ADCY10: variants seen among roughly 807,000 people sequenced by gnomAD.
The protein encoded by ADCY10 is adenylate cyclase type 10.
In ADCY10, 156 loss-of-function variants were observed where a neutral mutation model predicts 183.3. The observed-to-expected ratio is 0.85, with a 90% CI of 0.75 to 0.97. ADCY10 has a LOEUF of 0.97. Among genes scored for constraint, ADCY10 ranks in the 50% least tolerant of loss-of-function variants. ADCY10 has a pLI of 0.00. For synonymous variants in ADCY10, 645 were observed against 670.0 expected (o/e 0.96, Z 0.58); for missense variants, 1,745 against 1,934.3 (o/e 0.90, Z 1.84).
intron 9 of ADCY10, among the ~76,000 whole-genome samples, chr1:167,882,484 CA>C (rs71100909): frequency 0.15 from 10,639 of 71,046 alleles, 380 homozygotes; most frequent in African/African-American, 0.23. Flanking sequence ...GATTCCGTCT[CA>C]AAAAAAAAAA....
intron 8 of ADCY10, among the ~76,000 whole-genome samples, chr1:167,889,942 T>C (rs1349840484): frequency 6.6e-6 from 1 of 152,250 alleles, no homozygotes; most frequent in Non-Finnish European, 1.5e-5. Flanking sequence ...TTAGTTAACA[T>C]GGCTGAAAGT....
chr1:167,895,470 T>A (rs564624562), intron 7 of ADCY10, among the ~76,000 whole-genome samples: 1 of 152,302 alleles, frequency 6.6e-6, no homozygotes, highest in Non-Finnish European at 1.5e-5. Context: ...GACCTGTACA[T>A]AAATGATGAG....
At chr1:167,853,241 C>CA (rs1665631956) in intron 18 of ADCY10, among the ~76,000 whole-genome samples, 1 of 152,012 alleles carries the variant, frequency 6.6e-6, no homozygotes, top group Non-Finnish European at 1.5e-5. Context: ...ATTTGAGTCA[C>CA]AAAAAAATGA....
At chr1:167,817,462 A>T (rs987953299) in intron 31 of ADCY10, among the ~76,000 whole-genome samples, 1 of 152,230 alleles carries the variant, frequency 6.6e-6, no homozygotes, top group Non-Finnish European at 1.5e-5. Flanking sequence ...AGAACAAGGC[A>T]AACGTGTCAA....
chr1:167,895,448 TAA>T (rs1292178272), intron 7 of ADCY10, among the ~76,000 whole-genome samples: 1 of 152,164 alleles, frequency 6.6e-6, no homozygotes, highest in African/African-American at 2.4e-5. Context: ...TTGTAACATC[TAA>T]AATACTCCAG....
In ADCY10 at chr1:167,896,629, G is replaced by A. The variant is rs752819272; in HGVS notation, c.705C>T (p.Thr235=). The change falls in exon 7 of 33, where the codon ACC becomes ACT. Residue 235 remains threonine, a synonymous_variant. Transcript: ENST00000367851. The part of the protein sequence containing the change: ...NFDEFFTKCT[T]FMHYYPSGEH... ...CACCAGAAGGATAATAATGCATGAA[G>A]GTCGTACACTTTGTGAAAAATTCAT... 3.1e-6 allele frequency: 5 copies of A among 1,613,768 alleles called. No individual in the cohort carries two copies. The highest frequency in any genetic ancestry group is 1.7e-4 in the Middle Eastern group (1 of 6,060).
chr1:167,883,024 C>G (rs1470624096), intron 9 of ADCY10, among the ~76,000 whole-genome samples: 1 of 152,110 alleles, frequency 6.6e-6, no homozygotes, highest in Non-Finnish European at 1.5e-5. Flanking sequence ...AAAGACTGGC[C>G]TTCTAGGTTA....
rs765649268 is a variant in ADCY10, at chr1:167,905,066, G to A, written c.75C>T (p.Val25=). 6.2e-7 allele frequency: 1 copy of A among 1,614,216 alleles called. No individual in the cohort carries two copies. The change falls in exon 2 of 33, where the codon GTC becomes GTT. Residue 25 remains valine (V), a synonymous_variant. Transcript: ENST00000367851. Reference sequence around the variant, plus strand: ...GTCGCTCTGGGGAGAAATGTCCATAGACAATGAGGTCTGGTAAATGAGCTG... The same window carrying A: ...GTCGCTCTGGGGAGAAATGTCCATAAACAATGAGGTCTGGTAAATGAGCTG... ...RIAAHLPDLI[V]YGHFSPERPF... is the part of the protein sequence containing the mutation.
chr1:167,849,759 G>A (rs143210007), intron 18 of ADCY10, among the ~76,000 whole-genome samples: 4 of 152,328 alleles, frequency 2.6e-5, no homozygotes, highest in East Asian at 1.9e-4. Flanking sequence ...ATCAGACTTG[G>A]TGGATTCAGA....
At chr1:167,839,411 G>A (rs556479771) in intron 21 of ADCY10, among the ~76,000 whole-genome samples, 2 of 152,338 alleles carry the variant, frequency 1.3e-5, no homozygotes, top group Admixed American at 1.3e-4. Flanking sequence ...CTCAGCAGCT[G>A]TTTTGGACCA....
chr1:167,812,768 T>C (rs1662300909), intron 31 of ADCY10, among the ~76,000 whole-genome samples: 1 of 152,116 alleles, frequency 6.6e-6, no homozygotes, highest in African/African-American at 2.4e-5. Flanking sequence ...TAAAGTCAAG[T>C]AATTGATGTA....
At chr1:167,851,785 T>G (rs1372412251) in intron 18 of ADCY10, among the ~76,000 whole-genome samples, 1 of 150,370 alleles carries the variant, frequency 6.7e-6, no homozygotes, top group Non-Finnish European at 1.5e-5. Context: ...ATCGTGCCAC[T>G]GCACTCCAGC....
intron 1 of ADCY10, among the ~76,000 whole-genome samples, chr1:167,907,720 A>T (rs1006702288): frequency 6.6e-6 from 1 of 152,256 alleles, no homozygotes; most frequent in Non-Finnish European, 1.5e-5. Flanking sequence ...GCAAGCCAAC[A>T]TTATTTCCTA....
At chr1:167,847,819 G>T (rs1474257554) in intron 19 of ADCY10, among the ~76,000 whole-genome samples, 2 of 152,092 alleles carry the variant, frequency 1.3e-5, no homozygotes, top group African/African-American at 4.8e-5. Context: ...CTCATTATTT[G>T]GTTTCTGTTT....
At chr1:167,844,502 T>A (rs921201337) in intron 21 of ADCY10, among the ~76,000 whole-genome samples, 1 of 152,186 alleles carries the variant, frequency 6.6e-6, no homozygotes, top group African/African-American at 2.4e-5. Flanking sequence ...TTGGGGGAGC[T>A]CAGGTATAAT....
intron 1 of ADCY10, 30 bp from the exon 2 acceptor site, chr1:167,905,228 T>C (rs1447917180): frequency 1.6e-5 from 23 of 1,424,152 alleles, no homozygotes; most frequent in Non-Finnish European, 2.3e-5. Context: ...AGAGGAAATC[T>C]GATATATTCA....
intron 6 of ADCY10, 65 bp downstream of exon 6, chr1:167,899,358 C>G: frequency 6.5e-7 from 1 of 1,530,498 alleles, no homozygotes; most frequent in Middle Eastern, 1.7e-4. Context: ...CCCAGTGACT[C>G]TTCTGGCAGG....
rs553623122 is a variant in ADCY10, at chr1:167,836,748, G to A, written c.3078-208C>T. Among the ~76,000 whole-genome samples the A allele has an allele frequency of 1.3e-3, 205 of 151,962 alleles. 1 individual carries two copies. The highest frequency in any genetic ancestry group is 4.7e-3 in the African/African-American group (195 of 41,448). Reference sequence around the variant, plus strand: ...CTACTAAAAATATAAAAATTAGGCCGGGTGCGGTGGCTCATGCCTGTAATC... The same window carrying A: ...CTACTAAAAATATAAAAATTAGGCCAGGTGCGGTGGCTCATGCCTGTAATC... On this transcript the variant is annotated intron_variant, in intron 22 of 32. Coordinates refer to ENST00000367851, the MANE Select transcript of ADCY10 (RefSeq NM_018417.6).
chr1:167,873,058 A>T (rs1435067741), intron 13 of ADCY10, among the ~76,000 whole-genome samples: 1 of 151,924 alleles, frequency 6.6e-6, no homozygotes, highest in Admixed American at 6.6e-5. Context: ...CGACAGAGTG[A>T]GACTCTGTCT....
Sources: gnomAD v4.1 joint callset for allele counts (sites outside exome capture counted in the v4.1 genomes callset) on GRCh38, gnomAD v4.1.1 for gene constraint, MANE v1.5 for transcripts, NCBI Gene and HGNC (gene_info 2026-07-23, HGNC 2026-07-21) for gene names.